Variants in ANKS1B observed in about 807,000 individuals in gnomAD.
The protein encoded by ANKS1B is ankyrin repeat and sterile alpha motif domain containing 1B.
Under a neutral mutation model 148.3 loss-of-function variants are expected in ANKS1B, and 36 were observed. The observed-to-expected ratio is 0.24, with a 90% CI of 0.19 to 0.32. The LOEUF is 0.32. ANKS1B is among the 10% of genes least tolerant of loss of function. The pLI, the probability that ANKS1B is intolerant of heterozygous loss-of-function variation, is 1.00. For missense variants in ANKS1B, 1,157 were observed against 1,542.6 expected (o/e 0.75, Z 4.19); for synonymous variants, 542 against 560.8 (o/e 0.97, Z 0.47).
chr12:99,606,917 C>T (rs2097855462), intron 9 of ANKS1B, among the ~76,000 whole-genome samples: 1 of 152,030 alleles, frequency 6.6e-6, no homozygotes, highest in South Asian at 2.1e-4. Context: ...ACACAGATAC[C>T]CTCCCCATTG....
intron 17 of ANKS1B, among the ~76,000 whole-genome samples, chr12:99,041,451 A>G (rs1210106867): frequency 1.3e-5 from 2 of 152,164 alleles, no homozygotes; most frequent in Non-Finnish European, 2.9e-5. Context: ...TAGCAATTCC[A>G]TGATCACACA....
chr12:99,075,827 G>A lies in ANKS1B; in HGVS notation c.2625+9098C>T, dbSNP rs536671192. The stretch of plus-strand genomic sequence containing the variant: ...AATATACAACAAAAAATGTATTATC[G>A]TATATATAATATATGTTTTATATTA... On this transcript the variant is annotated intron_variant, in intron 16 of 26. Coordinates refer to ENST00000683438, the MANE Select transcript of ANKS1B (RefSeq NM_001352186.2). 1.5e-3 allele frequency among the ~76,000 whole-genome samples: 147 copies of A among 97,264 alleles called. 1 individual carries two copies. Among genetic ancestry groups the A allele is most frequent in the Non-Finnish European group, 2.0e-3 (80 of 40,704 alleles). The allele number at this position is 97,264 out of a possible 152,430, so 63.8% of individuals were successfully genotyped here.
intron 8 of ANKS1B, among the ~76,000 whole-genome samples, chr12:99,762,129 A>C (rs1269570475): frequency 2.0e-5 from 3 of 152,130 alleles, no homozygotes. Context: ...TACCCAAAGC[A>C]ATCTACAGAT....
At chr12:99,807,559 T>C (rs1162618684) in intron 3 of ANKS1B, among the ~76,000 whole-genome samples, 1 of 151,988 alleles carries the variant, frequency 6.6e-6, no homozygotes, top group Non-Finnish European at 1.5e-5. Flanking sequence ...TAACCGTAAA[T>C]GAGGGTTCTG....
rs118089113 is a variant in ANKS1B, at chr12:99,748,922, A to G, written c.1128+24000T>C. ...AAATATTCTGTCCTACTGAATTAAC[A>G]AATCCTGGGAGTAAAATATTTGTAA... is the stretch of plus-strand genomic sequence containing the variant. On this transcript the variant is annotated intron_variant, in intron 8 of 26. Coordinates refer to ENST00000683438, the MANE Select transcript of ANKS1B (RefSeq NM_001352186.2). Among the ~76,000 whole-genome samples, 537 of 152,236 alleles carry G rather than the reference A, an allele frequency of 3.5e-3. 19 individuals are homozygous for G. The South Asian group carries it at 0.053, about 15-fold the overall frequency.
chr12:99,520,122 A>G (rs1170800458), intron 9 of ANKS1B, among the ~76,000 whole-genome samples: 1 of 152,198 alleles, frequency 6.6e-6, no homozygotes, highest in Non-Finnish European at 1.5e-5. Context: ...TTACAGTGCT[A>G]TAATATTCTC....
At chr12:99,061,269 C>T (rs540370269) in intron 16 of ANKS1B, among the ~76,000 whole-genome samples, 1 of 152,284 alleles carries the variant, frequency 6.6e-6, no homozygotes, top group South Asian at 2.1e-4. Context: ...CCTAGAATTC[C>T]TCTTTTTTCT....
intron 12 of ANKS1B, among the ~76,000 whole-genome samples, chr12:99,357,114 A>G (rs2092062963): frequency 6.6e-6 from 1 of 152,032 alleles, no homozygotes; most frequent in Non-Finnish European, 1.5e-5. Context: ...TATGTATAAT[A>G]CATGTATCTA....
chr12:99,848,165 G>C (rs2087024801), intron 1 of ANKS1B, among the ~76,000 whole-genome samples: 1 of 152,022 alleles, frequency 6.6e-6, no homozygotes, highest in Admixed American at 6.6e-5. Context: ...CTATTTGTGG[G>C]AGGCTATTGA....
chr12:99,485,370 G>A (rs2096474420), intron 10 of ANKS1B, among the ~76,000 whole-genome samples: 1 of 152,102 alleles, frequency 6.6e-6, no homozygotes, highest in Admixed American at 6.6e-5. Flanking sequence ...GGTTTCTGCT[G>A]TTAGTCTGAT....
chr12:98,886,226 A>G (rs1388685506), intron 17 of ANKS1B, among the ~76,000 whole-genome samples: 1 of 152,240 alleles, frequency 6.6e-6, no homozygotes, highest in Non-Finnish European at 1.5e-5. Context: ...AATCTGAATG[A>G]GATGAAAAAG....
rs1459259795 is a variant in ANKS1B at position 99,773,092 on chromosome 12, T to A, written c.962-4A>T. The A allele has an allele frequency of 1.3e-6, 2 of 1,590,016 alleles. No individual in the cohort carries two copies. Among genetic ancestry groups the A allele is most frequent in the South Asian group, 1.2e-5 (1 of 86,630 alleles). ...AATTCTCCAGTGACGGTTTCACCTA[T>A]GAGAATAATTTTTTCAGAAGTTTCA... On this transcript the variant is annotated splice_region_variant and splice_polypyrimidine_tract_variant and intron_variant, in intron 7 of 26. Coordinates refer to ENST00000683438, the MANE Select transcript of ANKS1B (RefSeq NM_001352186.2).
At chr12:99,926,434 C>A (rs951134028) in intron 1 of ANKS1B, among the ~76,000 whole-genome samples, 3 of 152,166 alleles carry the variant, frequency 2.0e-5, no homozygotes, top group Non-Finnish European at 4.4e-5. Flanking sequence ...AAAAAGTTGA[C>A]CTTCTCTTGA....
intron 19 of ANKS1B, among the ~76,000 whole-genome samples, chr12:98,816,256 C>T (rs986221236): frequency 4.6e-5 from 7 of 152,150 alleles, no homozygotes; most frequent in Non-Finnish European, 8.8e-5. Flanking sequence ...GTGCTTTCCA[C>T]TCTATAAAAG....
chr12:98,795,196 A>C (rs1325559019), intron 22 of ANKS1B, among the ~76,000 whole-genome samples: 4 of 152,238 alleles, frequency 2.6e-5, no homozygotes, highest in Non-Finnish European at 5.9e-5. Flanking sequence ...TTTGCAGTAA[A>C]ATATTCCCTT....
intron 14 of ANKS1B, among the ~76,000 whole-genome samples, chr12:99,242,713 G>C (rs911521461): frequency 4.6e-5 from 7 of 152,132 alleles, no homozygotes; most frequent in African/African-American, 1.7e-4. Context: ...CAATGGAACA[G>C]AACAGAGGCC....
chr12:99,049,653 G>GGACACACCTAAAT (rs1245910259), intron 17 of ANKS1B, among the ~76,000 whole-genome samples: 2 of 152,122 alleles, frequency 1.3e-5, no homozygotes, highest in African/African-American at 4.8e-5. Flanking sequence ...AAATTAAACA[G>GGACACACCTAAAT]TCATGTAAAT....
chr12:99,111,317 C>G (rs1416488769), intron 15 of ANKS1B, among the ~76,000 whole-genome samples: 1 of 152,046 alleles, frequency 6.6e-6, no homozygotes. Context: ...AACTTATTTC[C>G]CAGGTCCTCA....
chr12:99,633,533 C>A lies in ANKS1B; in HGVS notation c.1272+21534G>T, dbSNP rs368109877. 2.3e-4 allele frequency among the ~76,000 whole-genome samples: 35 copies of A among 152,224 alleles called. No homozygotes were observed. In the East Asian group the frequency reaches 2.7e-3, roughly 12 times the overall value. On this transcript the variant is annotated intron_variant, in intron 9 of 26. Transcript: ENST00000683438. ...TGTTAGACCTAAAACCATAAAAATC[C>A]TAGAAGAAAACCTAGGCAATACCAT...
Sources: gnomAD v4.1 joint callset for allele counts (sites outside exome capture counted in the v4.1 genomes callset) on GRCh38, gnomAD v4.1.1 for gene constraint, MANE v1.5 for transcripts, NCBI Gene and HGNC (gene_info 2026-07-23, HGNC 2026-07-21) for gene names.